EFL1: variants seen among roughly 807,000 people sequenced by gnomAD.
The protein encoded by EFL1 is elongation factor-like GTPase 1.
EFL1 carries 76 observed loss-of-function variants against 126.7 expected under a neutral mutation model. The observed-to-expected ratio is 0.60, with a 90% CI of 0.50 to 0.73. The LOEUF is 0.73. EFL1 is among the 30% of genes least tolerant of loss of function. The pLI, the probability that EFL1 is intolerant of heterozygous loss-of-function variation, is 0.00. For missense variants in EFL1, 1,128 were observed against 1,343.2 expected (o/e 0.84, Z 2.50); for synonymous variants, 410 against 448.4 (o/e 0.91, Z 1.08).
At chr15:82,187,242 C>T (rs972297556) in intron 15 of EFL1, among the ~76,000 whole-genome samples, 1 of 152,154 alleles carries the variant, frequency 6.6e-6, no homozygotes, top group Non-Finnish European at 1.5e-5. Context: ...GCTTCAGTTT[C>T]ACTTCTTTCT....
chr15:82,183,617 G>A (rs1055335447), intron 15 of EFL1, among the ~76,000 whole-genome samples: 4 of 152,212 alleles, frequency 2.6e-5, no homozygotes, highest in African/African-American at 9.7e-5. Context: ...TGGGAGAAAT[G>A]TAATAATAAA....
intron 17 of EFL1, among the ~76,000 whole-genome samples, chr15:82,153,220 T>C (rs983319380): frequency 2.0e-5 from 3 of 152,146 alleles, no homozygotes; most frequent in East Asian, 3.8e-4. Flanking sequence ...AGAAAGCCCC[T>C]TTTCCCACAT....
chr15:82,151,205 C>A (rs370419773), intron 18 of EFL1, among the ~76,000 whole-genome samples: 1 of 152,008 alleles, frequency 6.6e-6, no homozygotes, highest in African/African-American at 2.4e-5. Flanking sequence ...GGCAACGTTG[C>A]GAAACTCAGT....
At chr15:82,169,176 G>C (rs1258602543) in intron 15 of EFL1, among the ~76,000 whole-genome samples, 2 of 152,182 alleles carry the variant, frequency 1.3e-5, no homozygotes, top group Non-Finnish European at 2.9e-5. Context: ...CTGGGGCTTG[G>C]AAACAGAGTA....
intron 15 of EFL1, among the ~76,000 whole-genome samples, chr15:82,210,087 A>G (rs2074568181): frequency 6.6e-6 from 1 of 152,246 alleles, no homozygotes; most frequent in Non-Finnish European, 1.5e-5. Context: ...GTAAAAAAAG[A>G]TGAAGTTTAC....
chr15:82,135,877 C>A (rs2073715852), intron 19 of EFL1, among the ~76,000 whole-genome samples: 1 of 152,186 alleles, frequency 6.6e-6, no homozygotes, highest in South Asian at 2.1e-4. Context: ...CCACTTTGGA[C>A]AATCAGTGGG....
chr15:82,141,328 T>C (rs2073784130), intron 18 of EFL1, among the ~76,000 whole-genome samples: 1 of 152,150 alleles, frequency 6.6e-6, no homozygotes, highest in Admixed American at 6.6e-5. Context: ...CCATAACACC[T>C]AACATGTGTG....
chr15:82,134,410 G>A (rs976310882), intron 19 of EFL1, among the ~76,000 whole-genome samples: 12 of 151,662 alleles, frequency 7.9e-5, no homozygotes, highest in Admixed American at 2.6e-4. Context: ...AGAATTCATC[G>A]GCCTAGAGTG....
intron 15 of EFL1, among the ~76,000 whole-genome samples, chr15:82,205,158 C>T (rs3973876): frequency 6.6e-6 from 1 of 152,240 alleles, no homozygotes; most frequent in Non-Finnish European, 1.5e-5. Context: ...TAGGGAAGCC[C>T]CAAATCATGA....
chr15:82,165,322 T>G (rs1055374733), intron 15 of EFL1, among the ~76,000 whole-genome samples: 5 of 152,186 alleles, frequency 3.3e-5, no homozygotes, highest in Non-Finnish European at 5.9e-5. Flanking sequence ...GGGCCATTTT[T>G]GTGCTTTTGG....
chr15:82,131,636 CA>C (rs149208958), intron 19 of EFL1, among the ~76,000 whole-genome samples: 2 of 151,862 alleles, frequency 1.3e-5, no homozygotes, highest in South Asian at 4.2e-4. Context: ...ACTAAAAATA[CA>C]AAAAATTAGC....
chr15:82,163,590 T>C (rs2141242228), intron 16 of EFL1, among the ~76,000 whole-genome samples: 1 of 152,286 alleles, frequency 6.6e-6, no homozygotes, highest in South Asian at 2.1e-4. Context: ...TACAATCCTA[T>C]GCCAGGGTTG....
chr15:82,182,345 T>C (rs1336068542), intron 15 of EFL1, among the ~76,000 whole-genome samples: 1 of 152,244 alleles, frequency 6.6e-6, no homozygotes, highest in Admixed American at 6.5e-5. Flanking sequence ...CAGTTTGTGA[T>C]TGACAATAGG....
At chr15:82,231,064 A>G (rs12324875) in intron 7 of EFL1, 93 bp from the exon 8 acceptor site, 204,578 of 1,420,374 alleles carry the variant, frequency 0.14, 17,584 homozygotes, top group South Asian at 0.38. Flanking sequence ...GTGTATTACT[A>G]AACTTAATCC....
At chr15:82,146,201 C>A (rs1466971184) in intron 18 of EFL1, among the ~76,000 whole-genome samples, 1 of 152,082 alleles carries the variant, frequency 6.6e-6, no homozygotes, top group East Asian at 1.9e-4. Context: ...GCAAGTCTAT[C>A]CATTTATAGG....
intron 15 of EFL1, among the ~76,000 whole-genome samples, chr15:82,193,568 A>G (rs542026148): frequency 6.6e-6 from 1 of 152,414 alleles, no homozygotes; most frequent in East Asian, 1.9e-4. Flanking sequence ...GCTTGGAGGC[A>G]CTTAGCTAGA....
At chr15:82,238,642 T>A (rs930431340) in intron 6 of EFL1, 121 bp from the exon 7 acceptor site, 10 of 774,176 alleles carry the variant, frequency 1.3e-5, no homozygotes, top group Admixed American at 5.3e-5. Context: ...TCATTAAGCA[T>A]ACATGAATGG....
At chr15:82,160,665 T>C (rs1203735997) in intron 16 of EFL1, among the ~76,000 whole-genome samples, 2 of 152,136 alleles carry the variant, frequency 1.3e-5, no homozygotes, top group African/African-American at 4.8e-5. Flanking sequence ...TTAACTAATA[T>C]GGATAAAGGA....
chr15:82,191,781 T>C (rs145119007), intron 15 of EFL1, among the ~76,000 whole-genome samples: 1 of 152,298 alleles, frequency 6.6e-6, no homozygotes, highest in East Asian at 1.9e-4. Flanking sequence ...TTGGAAATTA[T>C]GTGATCAAAT....
Sources: allele counts gnomAD v4.1 joint callset (sites outside exome capture counted in the v4.1 genomes callset), GRCh38; gene constraint gnomAD v4.1.1; transcripts MANE v1.5; gene names NCBI Gene and HGNC (gene_info 2026-07-23, HGNC 2026-07-21).